The following KIF26A variants were observed in gnomAD, a reference collection of about 807,000 sequenced individuals.
KIF26A encodes the protein kinesin-like protein KIF26A.
In KIF26A, 74 loss-of-function variants were observed where a neutral mutation model predicts 126.0. The observed-to-expected ratio is 0.59, with a 90% CI of 0.49 to 0.71. KIF26A has a LOEUF of 0.71. Among genes scored for constraint, KIF26A ranks in the 30% least tolerant of loss-of-function variants. The probability of loss-of-function intolerance (pLI) is 0.00; values close to 1 mark genes in which losing one functional copy is unlikely to be tolerated. For missense variants in KIF26A, 2,984 were observed against 2,763.3 expected (o/e 1.08, Z -1.79); for synonymous variants, 1,445 against 1,232.7 (o/e 1.17, Z -3.61).
At chr14:104,165,593 C>CTCTGTCTCTG (rs1446359734) in intron 4 of KIF26A, among the ~76,000 whole-genome samples, 20 of 139,010 alleles carry the variant, frequency 1.4e-4, no homozygotes, top group Admixed American at 2.1e-4. Flanking sequence ...GTCTGTGTGT[C>CTCTGTCTCTG]TATGCATGTG....
chr14:104,178,470 GGCTCC>G (rs2038061072), intron 12 of KIF26A, 75 bp from the exon 13 acceptor site: 1 of 1,090,894 alleles, frequency 9.2e-7, no homozygotes, highest in Non-Finnish European at 1.2e-6. Flanking sequence ...GACTCGGGCC[GGCTCC>G]GCAGCGTCCC....
At position 104,177,541 on chromosome 14, in the gene KIF26A, T is replaced by C; in HGVS notation, c.4753T>C (p.Ser1585Pro). Residue 1585 changes from serine to proline, a missense_variant, in exon 12 of 15, where the codon TCG (serine) becomes CCG (proline). By Grantham distance (74) the Ser-to-Pro change is moderately conservative (BLOSUM62 -1). Transcript: ENST00000423312. The part of the protein sequence containing the change: ...APGRGGSSWG[S>P]ADSDSGHDSG... Reference sequence around the variant, plus strand: ...GGGCCGAGGTGGCTCCTCGTGGGGCTCGGCGGACTCAGACAGCGGCCATGA... The same window carrying C: ...GGGCCGAGGTGGCTCCTCGTGGGGCCCGGCGGACTCAGACAGCGGCCATGA... 4 of 1,537,370 alleles carry C rather than the reference T, an allele frequency of 2.6e-6. No individual in the cohort carries two copies. The highest frequency in any genetic ancestry group is 3.5e-6 in the Non-Finnish European group (4 of 1,147,198).
At chr14:104,160,315 A>C (rs2037821162) in intron 4 of KIF26A, among the ~76,000 whole-genome samples, 3 of 152,004 alleles carry the variant, frequency 2.0e-5, no homozygotes, top group Non-Finnish European at 4.4e-5. Flanking sequence ...GCTGCTGCCC[A>C]CAAGCACCCC....
At chr14:104,156,075 C>T (rs529182522) in intron 3 of KIF26A, among the ~76,000 whole-genome samples, 34 of 152,322 alleles carry the variant, frequency 2.2e-4, no homozygotes, top group South Asian at 1.7e-3. Flanking sequence ...GTGGGTGGTG[C>T]GGCCCCGGCC....
chr14:104,179,559 C>G, intron 14 of KIF26A, 50 bp from the exon 15 acceptor site: 1 of 1,460,568 alleles, frequency 6.8e-7, no homozygotes. Flanking sequence ...GTGGCTGCCC[C>G]CAGCCTCGGG....
In KIF26A at chr14:104,175,021, G is replaced by A; in HGVS notation, c.2233G>A (p.Glu745Lys). Reference protein sequence around the residue: ...SSSGGESSCEEGRARRPPHLR... With the variant: ...SSSGGESSCEKGRARRPPHLR... ...CTCTGGCGGGGAGAGCTCCTGTGAG[G>A]AAGGCCGGGCCCGTCGGCCCCCGCA... Residue 745 changes from glutamate (E) to lysine (K), a missense_variant, in exon 12 of 15, where the codon GAA becomes AAA. Physicochemically the swap from Glu to Lys is moderately conservative, Grantham distance 56. Coordinates refer to ENST00000423312, the MANE Select transcript of KIF26A (RefSeq NM_015656.2). The A allele has an allele frequency of 1.3e-6, 2 of 1,557,928 alleles. No homozygotes were observed. Among genetic ancestry groups the A allele is most frequent in the South Asian group, 2.3e-5 (2 of 85,554 alleles).
At chr14:104,162,013 C>A (rs1378154899) in intron 4 of KIF26A, among the ~76,000 whole-genome samples, 1 of 152,192 alleles carries the variant, frequency 6.6e-6, no homozygotes, top group Non-Finnish European at 1.5e-5. Flanking sequence ...GGGCCGTGGG[C>A]CCTCAAGGGC....
chr14:104,140,094 G>A (rs1048677440), intron 2 of KIF26A, among the ~76,000 whole-genome samples: 4 of 152,330 alleles, frequency 2.6e-5, no homozygotes, highest in South Asian at 2.1e-4. Context: ...TGGGAAGTCC[G>A]CATAATCCCC....
intron 3 of KIF26A, among the ~76,000 whole-genome samples, chr14:104,157,122 G>A (rs1193957357): frequency 7.9e-5 from 12 of 152,172 alleles, no homozygotes; most frequent in African/African-American, 2.4e-4. Context: ...GGAATGGAAC[G>A]TGCGGAGGTG....
rs61743517 is a variant in KIF26A, at chr14:104,173,182, C to A, written c.1626C>A (p.Leu542=). The A allele has an allele frequency of 4.3e-6, 7 of 1,611,674 alleles. No homozygotes were observed. Among genetic ancestry groups the A allele is most frequent in the Non-Finnish European group, 5.9e-6 (7 of 1,179,400 alleles). The change falls in exon 8 of 15, where the codon CTC becomes CTA. Residue 542 remains leucine (L), a synonymous_variant. Transcript: ENST00000423312. ...DLLAEVAPGS[L]QDTQSPGVYL... Reference sequence around the variant, plus strand: ...TGGCCGAGGTGGCCCCTGGCAGCCTCCAGGACACCCAGTCTCCGGGAGTGT... The same window carrying A: ...TGGCCGAGGTGGCCCCTGGCAGCCTACAGGACACCCAGTCTCCGGGAGTGT...
At position 104,179,639 on chromosome 14, in the gene KIF26A, C is replaced by T. The variant is rs553301054; in HGVS notation, c.5498C>T (p.Ser1833Leu). 2.3e-5 allele frequency: 35 copies of T among 1,541,928 alleles called. 1 individual carries two copies. In the South Asian group the frequency reaches 2.6e-4, roughly 12 times the overall value. The change falls in exon 15 of 15, where the codon TCG becomes TTG. Residue 1833 changes from serine (S) to leucine (L), a missense_variant. By Grantham distance (145) the Ser-to-Leu change is moderately radical (BLOSUM62 -2). Coordinates refer to ENST00000423312, the MANE Select transcript of KIF26A (RefSeq NM_015656.2). ...FEVDPELEPESAEYLAALERA... is the reference protein window; with the variant it reads ...FEVDPELEPELAEYLAALERA... The stretch of plus-strand genomic sequence containing the variant: ...GTGGACCCGGAGCTGGAGCCCGAGT[C>T]GGCCGAGTACCTGGCGGCCCTGGAG...
At chr14:104,154,163 G>A (rs894420015) in intron 3 of KIF26A, among the ~76,000 whole-genome samples, 1 of 152,062 alleles carries the variant, frequency 6.6e-6, no homozygotes, top group Admixed American at 6.5e-5. Context: ...GGAGAGATGC[G>A]CTGCAAATCT....
intron 2 of KIF26A, among the ~76,000 whole-genome samples, chr14:104,150,148 C>T (rs1351693298): frequency 2.3e-5 from 3 of 129,058 alleles, no homozygotes; most frequent in Non-Finnish European, 5.1e-5. Flanking sequence ...CCCCCTCCCC[C>T]TCCTCCTCCT....
chr14:104,162,125 C>A (rs2037838725), intron 4 of KIF26A, among the ~76,000 whole-genome samples: 1 of 152,218 alleles, frequency 6.6e-6, no homozygotes, highest in Non-Finnish European at 1.5e-5. Flanking sequence ...CGTTCTGGGG[C>A]CTCGTTAATG....
chr14:104,171,947 C>T lies in KIF26A; in HGVS notation c.1326+12C>T, dbSNP rs1260651443. The T allele has an allele frequency of 1.0e-5, 16 of 1,547,572 alleles. No homozygotes were observed. The highest frequency in any genetic ancestry group is 3.9e-5 in the Admixed American group (2 of 51,074). On this transcript the variant is annotated intron_variant, in intron 6 of 14. Coordinates refer to ENST00000423312, the MANE Select transcript of KIF26A (RefSeq NM_015656.2). ...AGGACTCCGAGCAGGTACGGGCAGGCGGACTGGGCGTCCTCCCGGAGACCC... is the reference window on the plus strand; with the variant it reads ...AGGACTCCGAGCAGGTACGGGCAGGTGGACTGGGCGTCCTCCCGGAGACCC...
intron 3 of KIF26A, among the ~76,000 whole-genome samples, chr14:104,157,169 T>TA (rs1177164651): frequency 4.6e-5 from 7 of 152,188 alleles, no homozygotes; most frequent in Admixed American, 4.6e-4. Flanking sequence ...GGCGTTTAAT[T>TA]ACGTTTGTGC....
chr14:104,146,119 T>G (rs1796300858), intron 2 of KIF26A, among the ~76,000 whole-genome samples: 1 of 152,126 alleles, frequency 6.6e-6, no homozygotes, highest in Non-Finnish European at 1.5e-5. Flanking sequence ...GAGGCAGGTG[T>G]CTCAGTCTCT....
rs770601080 is a variant in KIF26A at position 104,176,865 on chromosome 14, G to A, written c.4077G>A (p.Ala1359=). Residue 1359 remains alanine, a synonymous_variant, in exon 12 of 15, where the codon GCG becomes GCA. Coordinates refer to ENST00000423312, the MANE Select transcript of KIF26A (RefSeq NM_015656.2). ...KAGFLPRPSG[A]APPAPPTRKS... The stretch of plus-strand genomic sequence containing the variant: ...GCTTCCTCCCGAGGCCCAGTGGGGC[G>A]GCCCCCCCGGCCCCACCCACGCGGA... 4.1e-5 allele frequency: 63 copies of A among 1,542,032 alleles called. No homozygotes were observed. The highest frequency in any genetic ancestry group is 5.2e-5 in the Non-Finnish European group (60 of 1,144,752).
intron 14 of KIF26A, 86 bp downstream of exon 14, chr14:104,179,472 T>G (rs1328856901): frequency 1.4e-6 from 2 of 1,431,144 alleles, no homozygotes; most frequent in Non-Finnish European, 1.8e-6. Context: ...GTTGCTCTCC[T>G]GTACCTCGTG....
Sources: allele counts gnomAD v4.1 joint callset (sites outside exome capture counted in the v4.1 genomes callset), GRCh38; gene constraint gnomAD v4.1.1; transcripts MANE v1.5; gene names NCBI Gene and HGNC (gene_info 2026-07-23, HGNC 2026-07-21).